RMDN3: variants seen among roughly 807,000 people sequenced by gnomAD.
The protein encoded by RMDN3 is regulator of microtubule dynamics protein 3.
Under a neutral mutation model 61.8 loss-of-function variants are expected in RMDN3, and 41 were observed. That is an observed-to-expected ratio of 0.66 (90% CI 0.52 to 0.86). The LOEUF (loss-of-function observed/expected upper bound fraction) is 0.86, where lower values mean the gene tolerates loss of function less well. Among genes scored for constraint, RMDN3 ranks in the 40% least tolerant of loss-of-function variants. RMDN3 has a pLI of 0.00. For missense variants in RMDN3, 557 were observed against 585.3 expected (o/e 0.95, Z 0.50); for synonymous variants, 247 against 232.0 (o/e 1.06, Z -0.59).
At chr15:40,740,564 T>TA (rs1223873580) in intron 6 of RMDN3, among the ~76,000 whole-genome samples, 3 of 152,132 alleles carry the variant, frequency 2.0e-5, no homozygotes, top group Admixed American at 2.0e-4. Context: ...GAGAATCGCT[T>TA]GAACCCAGGA....
chr15:40,736,678 T>C, intron 12 of RMDN3, 84 bp from the exon 13 acceptor site: 1 of 1,203,158 alleles, frequency 8.3e-7, no homozygotes. Context: ...GAGGGGCCCT[T>C]TGCTTCCTTC....
At chr15:40,754,921 C>T in intron 1 of RMDN3, 131 bp from the exon 2 acceptor site, 1 of 727,348 alleles carries the variant, frequency 1.4e-6, no homozygotes, top group Non-Finnish European at 2.2e-6. Flanking sequence ...TTGCCCAAAC[C>T]CTGAGCTCTC....
At position 40,736,419 on chromosome 15, in the gene RMDN3, C is replaced by T. The variant is rs1897045897; in HGVS notation, c.*122G>A. 3.7e-6 allele frequency: 3 copies of T among 811,070 alleles called. No individual in the cohort carries two copies. The South Asian group carries it at 4.7e-5, about 13-fold the overall frequency. The allele number at this position is 811,070 out of a possible 1,614,324, so 50.2% of individuals were successfully genotyped here. A position where few individuals can be genotyped will look rare whatever the true frequency, so the allele number is the denominator to read the frequency against. On this transcript the variant is annotated 3_prime_UTR_variant, in exon 13 of 13. Transcript: ENST00000338376. ...ACTAATGGGGAGTGGTAGTGGGTAG[C>T]AGTCAGACCCAGGAGACAGATTTGT... is the stretch of plus-strand genomic sequence containing the variant.
intron 3 of RMDN3, 134 bp downstream of exon 3, chr15:40,751,852 A>C: frequency 9.9e-7 from 1 of 1,014,288 alleles, no homozygotes; most frequent in Non-Finnish European, 1.5e-6. Context: ...CCAAATGTAC[A>C]GCTTCAACCC....
chr15:40,747,674 A>T (rs560225945), intron 4 of RMDN3: 1 of 152,216 alleles, frequency 6.6e-6, no homozygotes, highest in East Asian at 1.9e-4. Context: ...GGGACCTTTG[A>T]AAAGGCCCTT....
Position 40,751,578 on chromosome 15 carries a change from CAGGCCCCATCCCGAAGGGTACCATT to C in RMDN3, c.381-34_381-10del. Reference sequence around the variant, plus strand: ...TCTCTTCCATGTGGCATCTGGAAAGCAGGCCCCATCCCGAAGGGTACCATTAGGTCCCATCCAGCTTGTCTTTCTG... The same window carrying C: ...TCTCTTCCATGTGGCATCTGGAAAGCAGGTCCCATCCAGCTTGTCTTTCTG... On this transcript the variant is annotated splice_polypyrimidine_tract_variant and intron_variant, in intron 3 of 12. Coordinates refer to ENST00000338376, the MANE Select transcript of RMDN3 (RefSeq NM_018145.3). The C allele has an allele frequency of 1.9e-6, 3 of 1,614,174 alleles. No homozygotes were observed. Among genetic ancestry groups the C allele is most frequent in the Non-Finnish European group, 2.5e-6 (3 of 1,180,034 alleles).
chr15:40,738,885 C>A (rs906353837), intron 7 of RMDN3: 5 of 337,344 alleles, frequency 1.5e-5, no homozygotes, highest in African/African-American at 1.1e-4. Flanking sequence ...AGTACAGCCA[C>A]AGGCATTAAT....
Position 40,737,984 on chromosome 15 carries a change from A to G in RMDN3, c.1106T>C (p.Leu369Pro), listed in dbSNP as rs1431990575. 2 of 1,614,208 alleles carry G rather than the reference A, an allele frequency of 1.2e-6. No homozygotes were observed. The highest frequency in any genetic ancestry group is 4.5e-5 in the East Asian group (2 of 44,896). ...GCTTACCTGATAGCACCACCTGCCA[A>G]GAAGAAAGTGAGCCATGGGGTTTTC... The part of the protein sequence containing the change: ...QPENPMAHFL[L>P]GRWCYQVSHL... Residue 369 changes from leucine (L) to proline (P), a missense_variant, in exon 9 of 13, where the codon CTT becomes CCT. By Grantham distance (98) the Leu-to-Pro change is moderately conservative (BLOSUM62 -3). Transcript: ENST00000338376.
intron 7 of RMDN3, 117 bp downstream of exon 7, chr15:40,740,016 A>AC: frequency 1.4e-6 from 1 of 715,432 alleles, no homozygotes; most frequent in East Asian, 2.7e-5. Flanking sequence ...ACAAGCCAGA[A>AC]CTCCCTCTCC....
At chr15:40,743,400 A>G (rs975075825) in intron 6 of RMDN3, among the ~76,000 whole-genome samples, 6 of 147,056 alleles carry the variant, frequency 4.1e-5, no homozygotes, top group African/African-American at 1.5e-4. Flanking sequence ...CAGCCTGGGC[A>G]ACAGAGAAAG....
intron 8 of RMDN3, among the ~76,000 whole-genome samples, chr15:40,738,259 A>C (rs928847246): frequency 2.0e-5 from 3 of 152,174 alleles, no homozygotes; most frequent in African/African-American, 7.2e-5. Context: ...ATGGTGGTAC[A>C]TGCCTGTAAT....
At chr15:40,749,649 T>A (rs1438339310) in intron 4 of RMDN3, among the ~76,000 whole-genome samples, 2 of 152,244 alleles carry the variant, frequency 1.3e-5, no homozygotes, top group Non-Finnish European at 2.9e-5. Context: ...CCAAGTGGCC[T>A]GCTTCCTTGG....
intron 4 of RMDN3, 48 bp from the exon 5 acceptor site, chr15:40,745,307 C>A (rs1473869642): frequency 3.2e-6 from 5 of 1,578,634 alleles, no homozygotes; most frequent in East Asian, 4.5e-5. Flanking sequence ...CAGCTCAGAG[C>A]CCCTAGGGTC....
chr15:40,755,017 G>A, intron 1 of RMDN3, 66 bp downstream of exon 1: 1 of 494,842 alleles, frequency 2.0e-6, no homozygotes, highest in South Asian at 2.6e-5. Flanking sequence ...CCTGGACGTA[G>A]CCGCCCCTCC....
chr15:40,737,792 G>T, intron 9 of RMDN3, 66 bp from the exon 10 acceptor site: 1 of 1,545,792 alleles, frequency 6.5e-7, no homozygotes, highest in Non-Finnish European at 8.9e-7. Context: ...AAATCTTTGG[G>T]GATATATTGA....
In RMDN3 at chr15:40,745,238, C is replaced by T; in HGVS notation, c.546G>A (p.Glu182=). The T allele has an allele frequency of 1.9e-6, 3 of 1,613,894 alleles. No homozygotes were observed. Among genetic ancestry groups the T allele is most frequent in the Middle Eastern group, 1.6e-4 (1 of 6,062 alleles). ...SEGGYTTANA[E]SDNERDSDKE... ...TGTCAGAGTCCCGCTCATTGTCAGACTCCGCATTGGCTGTTGTGTAACTGG... is the reference window on the plus strand; with the variant it reads ...TGTCAGAGTCCCGCTCATTGTCAGATTCCGCATTGGCTGTTGTGTAACTGG... Residue 182 remains glutamate (E), a synonymous_variant, in exon 5 of 13, where the codon GAG becomes GAA. Coordinates refer to ENST00000338376, the MANE Select transcript of RMDN3 (RefSeq NM_018145.3).
chr15:40,737,652 T>C lies in RMDN3; in HGVS notation c.1200A>G (p.Glu400=). The C allele has an allele frequency of 6.2e-7, 1 of 1,614,144 alleles. No individual in the cohort carries two copies. Among genetic ancestry groups the C allele is most frequent in the Non-Finnish European group, 8.5e-7 (1 of 1,179,990 alleles). The change falls in exon 10 of 13, where the codon GAA becomes GAG. Residue 400 remains glutamate (E), a synonymous_variant. Coordinates refer to ENST00000338376, the MANE Select transcript of RMDN3 (RefSeq NM_018145.3). ...LLESPLSATV[E]DALQSFLKAE... ...CCTTTAGGAAGCTCTGGAGGGCATC[T>C]TCCACAGTGGCACTGAGAGGGCTTT... is the stretch of plus-strand genomic sequence containing the variant.
intron 4 of RMDN3, 146 bp downstream of exon 4, chr15:40,751,277 GTTT>G: frequency 1.0e-6 from 1 of 964,936 alleles, no homozygotes; most frequent in Non-Finnish European, 1.6e-6. Context: ...AATTGGATGG[GTTT>G]TTTGTTTCAA....
chr15:40,744,504 G>A (rs191642646), intron 5 of RMDN3, among the ~76,000 whole-genome samples: 1 of 151,882 alleles, frequency 6.6e-6, no homozygotes, highest in African/African-American at 2.4e-5. Context: ...AACTTCTGGG[G>A]GGGGGGCATT....
Sources: gnomAD v4.1 joint callset for allele counts (sites outside exome capture counted in the v4.1 genomes callset) on GRCh38, gnomAD v4.1.1 for gene constraint, MANE v1.5 for transcripts, NCBI Gene and HGNC (gene_info 2026-07-23, HGNC 2026-07-21) for gene names.